PDZRN4: variants seen among roughly 807,000 people sequenced by gnomAD.
PDZRN4 encodes PDZ domain-containing RING finger protein 4.
Under a neutral mutation model 99.0 loss-of-function variants are expected in PDZRN4, and 70 were observed. The ratio of observed to expected loss-of-function variants is 0.71; its 90% CI spans 0.58 to 0.86. The LOEUF is 0.86. Among genes scored for constraint, PDZRN4 ranks in the 40% least tolerant of loss-of-function variants. PDZRN4 has a pLI of 0.00. For missense variants in PDZRN4, 1,474 were observed against 1,331.2 expected (o/e 1.11, Z -1.67); for synonymous variants, 551 against 501.6 (o/e 1.10, Z -1.32).
intron 3 of PDZRN4, among the ~76,000 whole-genome samples, chr12:41,442,970 C>G (rs1220639394): frequency 6.6e-6 from 1 of 152,122 alleles, no homozygotes; most frequent in African/African-American, 2.4e-5. Context: ...GGTGTCTGTT[C>G]CTTAAAATCA....
chr12:41,516,176 C>A (rs1159489160), intron 5 of PDZRN4, among the ~76,000 whole-genome samples: 3 of 152,014 alleles, frequency 2.0e-5, no homozygotes, highest in African/African-American at 4.8e-5. Flanking sequence ...ACTCCCACAC[C>A]GCATTCTGTA....
chr12:41,419,901 A>T (rs974187304), intron 3 of PDZRN4, among the ~76,000 whole-genome samples: 1 of 152,170 alleles, frequency 6.6e-6, no homozygotes. Context: ...TGTTTTGCAT[A>T]TGCTTGATGT....
intron 3 of PDZRN4, among the ~76,000 whole-genome samples, chr12:41,275,769 A>C (rs1056211495): frequency 3.3e-5 from 5 of 152,176 alleles, no homozygotes; most frequent in African/African-American, 1.2e-4. Context: ...AGTAGGAAAT[A>C]ATTTTTAATA....
rs1952550477 is a variant in PDZRN4, at chr12:41,427,849, G to A, written c.844-78607G>A. ...GCAGACCTGTAATCCTAGCAATTTG[G>A]AAGGCTGGTGGGCAGATCACCTGAG... On this transcript the variant is annotated intron_variant, in intron 3 of 9. Coordinates refer to ENST00000402685, the MANE Select transcript of PDZRN4 (RefSeq NM_001164595.2). Among the ~76,000 whole-genome samples the A allele has an allele frequency of 3.9e-5, 6 of 152,126 alleles. No homozygotes were observed. The South Asian group carries it at 1.2e-3, about 32-fold the overall frequency.
At chr12:41,429,045 T>C (rs903054937) in intron 3 of PDZRN4, among the ~76,000 whole-genome samples, 5 of 152,126 alleles carry the variant, frequency 3.3e-5, no homozygotes, top group Non-Finnish European at 7.4e-5. Flanking sequence ...ATGAGTTAAG[T>C]TTTGCTAGGT....
intron 3 of PDZRN4, among the ~76,000 whole-genome samples, chr12:41,203,641 G>GAGA (rs956467796): frequency 1.1e-4 from 16 of 152,026 alleles, no homozygotes; most frequent in Admixed American, 3.3e-4. Context: ...TTTTACAGAT[G>GAGA]AGAAGACTGA....
At chr12:41,292,117 G>T (rs898809703) in intron 3 of PDZRN4, among the ~76,000 whole-genome samples, 1 of 152,138 alleles carries the variant, frequency 6.6e-6, no homozygotes, top group East Asian at 1.9e-4. Context: ...AGTGGGTCAG[G>T]CATAATAGTT....
At chr12:41,411,048 AAT>A (rs367970913) in intron 3 of PDZRN4, among the ~76,000 whole-genome samples, 3,232 of 128,342 alleles carry the variant, frequency 0.025, 95 homozygotes, top group African/African-American at 0.081. Flanking sequence ...TGAGCTTTAA[AAT>A]ATATATATAT....
intron 3 of PDZRN4, among the ~76,000 whole-genome samples, chr12:41,267,607 AT>A (rs561826145): frequency 2.9e-4 from 44 of 151,870 alleles, no homozygotes; most frequent in African/African-American, 9.7e-4. Context: ...AGGCAGGTGG[AT>A]CACAGAGGTC....
At chr12:41,255,187 G>C (rs915943860) in intron 3 of PDZRN4, among the ~76,000 whole-genome samples, 1 of 152,140 alleles carries the variant, frequency 6.6e-6, no homozygotes, top group African/African-American at 2.4e-5. Context: ...GTGTAGTGGG[G>C]CCAGAGTATA....
At chr12:41,262,486 T>A (rs965122702) in intron 3 of PDZRN4, among the ~76,000 whole-genome samples, 2 of 152,272 alleles carry the variant, frequency 1.3e-5, no homozygotes, top group African/African-American at 4.8e-5. Context: ...TGGAAAAAAA[T>A]TCAGTTATTT....
chr12:41,506,605 T>A lies in PDZRN4; in HGVS notation c.993T>A (p.Asn331Lys). Residue 331 changes from asparagine to lysine, a missense_variant, in exon 4 of 10, where the codon AAT (asparagine) becomes AAA (lysine). Asn to Lys is a moderately conservative substitution (Grantham distance 94). Coordinates refer to ENST00000402685, the MANE Select transcript of PDZRN4 (RefSeq NM_001164595.2). ...YGMASEVQLM[N>K]ASTQTDITFE... ...TGGCTTCAGAAGTGCAGCTTATGAA[T>A]GCCAGCACTCAGACGGACATCACCT... The A allele has an allele frequency of 6.2e-7, 1 of 1,613,916 alleles. No homozygotes were observed. Among genetic ancestry groups the A allele is most frequent in the Non-Finnish European group, 8.5e-7 (1 of 1,179,876 alleles).
intron 3 of PDZRN4, among the ~76,000 whole-genome samples, chr12:41,302,559 A>G (rs1449324796): frequency 6.6e-6 from 1 of 152,128 alleles, no homozygotes; most frequent in African/African-American, 2.4e-5. Context: ...TCTCATAGAC[A>G]CTTAAATTGT....
chr12:41,343,321 C>T (rs1180204136), intron 3 of PDZRN4, among the ~76,000 whole-genome samples: 1 of 151,874 alleles, frequency 6.6e-6, no homozygotes. Flanking sequence ...ATTGAGCTTA[C>T]TTGAAACTTC....
At chr12:41,220,232 G>A (rs1299229826) in intron 3 of PDZRN4, among the ~76,000 whole-genome samples, 1 of 152,020 alleles carries the variant, frequency 6.6e-6, no homozygotes, top group African/African-American at 2.4e-5. Context: ...GTGTCGGCTG[G>A]GTTAGTTTCC....
At chr12:41,211,705 T>C (rs900929825) in intron 3 of PDZRN4, among the ~76,000 whole-genome samples, 4 of 152,016 alleles carry the variant, frequency 2.6e-5, no homozygotes, top group Non-Finnish European at 4.4e-5. Context: ...CAGAAGCCTT[T>C]ATGTATATAA....
At chr12:41,393,507 TA>T (rs61331927) in intron 3 of PDZRN4, among the ~76,000 whole-genome samples, 72,233 of 148,932 alleles carry the variant, frequency 0.49, 17,444 homozygotes, top group African/African-American at 0.58. Context: ...CCTTCTAAAA[TA>T]AAAAAAAAAA....
chr12:41,301,327 A>G (rs1316919294), intron 3 of PDZRN4, among the ~76,000 whole-genome samples: 1 of 152,046 alleles, frequency 6.6e-6, no homozygotes, highest in African/African-American at 2.4e-5. Flanking sequence ...CAAATTTTCA[A>G]TATTTGAAAA....
intron 3 of PDZRN4, among the ~76,000 whole-genome samples, chr12:41,237,805 C>T (rs1441520227): frequency 6.6e-6 from 1 of 152,074 alleles, no homozygotes; most frequent in African/African-American, 2.4e-5. Flanking sequence ...TCTGAGATCT[C>T]TATTCTGTTC....
Sources: gnomAD v4.1 joint callset for allele counts (sites outside exome capture counted in the v4.1 genomes callset) on GRCh38, gnomAD v4.1.1 for gene constraint, MANE v1.5 for transcripts, NCBI Gene and HGNC (gene_info 2026-07-23, HGNC 2026-07-21) for gene names.